ZBTB38: variants seen among roughly 807,000 people sequenced by gnomAD.
ZBTB38 encodes the protein zinc finger and BTB domain containing 38.
ZBTB38 carries 20 observed loss-of-function variants against 76.8 expected under a neutral mutation model. The observed-to-expected ratio is 0.26, with a 90% CI of 0.18 to 0.38. The LOEUF (loss-of-function observed/expected upper bound fraction) is 0.38. ZBTB38 is among the 10% of genes least tolerant of loss of function. ZBTB38 has a pLI of 1.00. For synonymous variants in ZBTB38, 504 were observed against 544.2 expected (o/e 0.93, Z 1.03); for missense variants, 1,082 against 1,482.3 (o/e 0.73, Z 4.43).
At chr3:141,395,074 A>G (rs564556368) in intron 4 of ZBTB38, among the ~76,000 whole-genome samples, 82 of 152,330 alleles carry the variant, frequency 5.4e-4, no homozygotes, top group African/African-American at 1.9e-3. Flanking sequence ...GCATGAAAAA[A>G]CAAATTTTCA....
intron 1 of ZBTB38, among the ~76,000 whole-genome samples, chr3:141,369,030 A>G (rs905912773): frequency 6.6e-6 from 1 of 151,430 alleles, no homozygotes; most frequent in Non-Finnish European, 1.5e-5. Flanking sequence ...TAAGACGGAA[A>G]CCCTGGGGAG....
intron 5 of ZBTB38, among the ~76,000 whole-genome samples, chr3:141,407,325 T>C (rs2149730028): frequency 6.6e-6 from 1 of 152,324 alleles, no homozygotes; most frequent in Middle Eastern, 3.4e-3. Flanking sequence ...TTTCCAGACT[T>C]GTGACTTTAG....
intron 1 of ZBTB38, among the ~76,000 whole-genome samples, chr3:141,327,421 T>TC (rs1326862856): frequency 1.3e-5 from 2 of 152,058 alleles, no homozygotes; most frequent in Non-Finnish European, 2.9e-5. Flanking sequence ...GCGGTCTTCC[T>TC]CCCCCAAACC....
intron 1 of ZBTB38, among the ~76,000 whole-genome samples, chr3:141,337,426 T>A (rs1943047039): frequency 6.6e-6 from 1 of 152,222 alleles, no homozygotes; most frequent in African/African-American, 2.4e-5. Context: ...CAGGACCAAA[T>A]TAGACAAAAG....
intron 5 of ZBTB38, among the ~76,000 whole-genome samples, chr3:141,437,091 G>T (rs544830435): frequency 6.6e-6 from 1 of 152,312 alleles, no homozygotes; most frequent in African/African-American, 2.4e-5. Flanking sequence ...GCACTGTTAA[G>T]ATTGGAGAGG....
intron 5 of ZBTB38, among the ~76,000 whole-genome samples, chr3:141,436,510 T>C (rs114089956): frequency 2.6e-5 from 4 of 152,192 alleles, no homozygotes; most frequent in Non-Finnish European, 5.9e-5. Flanking sequence ...TTGATTTTTT[T>C]TGTGTGTGAC....
chr3:141,361,090 C>T (rs981282839), intron 1 of ZBTB38, among the ~76,000 whole-genome samples: 4 of 152,166 alleles, frequency 2.6e-5, no homozygotes, highest in African/African-American at 7.2e-5. Context: ...ACTTTGTTTT[C>T]CTCTCCTCTT....
intron 4 of ZBTB38, chr3:141,390,025 A>G (rs1411411729): frequency 6.6e-6 from 1 of 152,206 alleles, no homozygotes; most frequent in African/African-American, 2.4e-5. Flanking sequence ...GCCAAATAAG[A>G]TTGTTGGGAA....
intron 5 of ZBTB38, among the ~76,000 whole-genome samples, chr3:141,406,815 T>C (rs1404870005): frequency 6.6e-6 from 1 of 152,158 alleles, no homozygotes; most frequent in Non-Finnish European, 1.5e-5. Flanking sequence ...GAGCCAGGCA[T>C]GTCAGACCGT....
chr3:141,438,719 A>G (rs1018058303), intron 5 of ZBTB38, among the ~76,000 whole-genome samples: 1 of 151,986 alleles, frequency 6.6e-6, no homozygotes, highest in African/African-American at 2.4e-5. Context: ...CTCAAATTTC[A>G]TTATAACTCT....
rs550404127 is a variant in ZBTB38 at position 141,416,888 on chromosome 3, G to A, written c.-1+12857G>A. On this transcript the variant is annotated intron_variant, in intron 5 of 5. Coordinates refer to ENST00000321464, the MANE Select transcript of ZBTB38 (RefSeq NM_001376113.1). The stretch of plus-strand genomic sequence containing the variant: ...ATTCTCCCCCTGCAGCCCTCACAGA[G>A]AGCACGGCCCTGCTGACTCCTTGAT... 9.8e-5 allele frequency among the ~76,000 whole-genome samples: 15 copies of A among 152,354 alleles called. 1 individual carries two copies. The South Asian group carries it at 3.1e-3, about 32-fold the overall frequency.
In ZBTB38 at chr3:141,448,556, A is replaced by G. The variant is rs1463380638; in HGVS notation, c.*2580A>G. On this transcript the variant is annotated 3_prime_UTR_variant, in exon 6 of 6. Transcript: ENST00000321464. ...GAACATACTGTATGCTGTACAAGAT[A>G]TAATGTAACTTGCTGTTTTAGCATC... The G allele has an allele frequency of 2.6e-5, 4 of 152,516 alleles. No individual in the cohort carries two copies. The highest frequency in any genetic ancestry group is 7.2e-5 in the African/African-American group (3 of 41,462). The allele number at this position is 152,516 out of a possible 1,614,324, so 9.4% of individuals were successfully genotyped here. A position where few individuals can be genotyped will look rare whatever the true frequency, so the allele number is the denominator to read the frequency against.
At chr3:141,374,874 A>G (rs1310514793) in intron 2 of ZBTB38, among the ~76,000 whole-genome samples, 1 of 152,182 alleles carries the variant, frequency 6.6e-6, no homozygotes, top group South Asian at 2.1e-4. Flanking sequence ...ATTGGCCCCT[A>G]GAAAGGTACG....
intron 1 of ZBTB38, among the ~76,000 whole-genome samples, chr3:141,359,483 A>G (rs1450116492): frequency 6.6e-6 from 1 of 152,224 alleles, no homozygotes; most frequent in Non-Finnish European, 1.5e-5. Context: ...AGGAAGAGGT[A>G]GTGGCAATTG....
chr3:141,446,189 G>A lies in ZBTB38; in HGVS notation c.*213G>A, dbSNP rs2081080403. 2 of 390,488 alleles carry A rather than the reference G, an allele frequency of 5.1e-6. No homozygotes were observed. The allele number at this position is 390,488 out of a possible 1,614,324, so 24.2% of individuals were successfully genotyped here. The stretch of plus-strand genomic sequence containing the variant: ...CAAAGTGCACAAAAACAAAATAGCT[G>A]ACTCCTCCAATATCCCAAGTTTCTT... On this transcript the variant is annotated 3_prime_UTR_variant, in exon 6 of 6. Transcript: ENST00000321464.
chr3:141,436,974 G>A (rs1014603300), intron 5 of ZBTB38, among the ~76,000 whole-genome samples: 2 of 152,114 alleles, frequency 1.3e-5, no homozygotes, highest in Non-Finnish European at 2.9e-5. Context: ...TTGCACTTTG[G>A]ACCTGTGAAA....
intron 5 of ZBTB38, among the ~76,000 whole-genome samples, chr3:141,417,358 T>C (rs1489059628): frequency 6.6e-6 from 1 of 152,188 alleles, no homozygotes; most frequent in Non-Finnish European, 1.5e-5. Context: ...TGCATTTTCC[T>C]CAGGCTTCTC....
At chr3:141,385,339 T>A (rs1025773022) in intron 3 of ZBTB38, among the ~76,000 whole-genome samples, 1 of 101,658 alleles carries the variant, frequency 9.8e-6, no homozygotes, top group African/African-American at 3.6e-5. Flanking sequence ...GATCTAAGGG[T>A]GGGGGTGGGT....
intron 3 of ZBTB38, among the ~76,000 whole-genome samples, chr3:141,382,361 A>G (rs1946323664): frequency 6.6e-6 from 1 of 152,198 alleles, no homozygotes; most frequent in Non-Finnish European, 1.5e-5. Context: ...ATTGGGTGTA[A>G]AAGGAAACTA....
Sources: allele counts gnomAD v4.1 joint callset (sites outside exome capture counted in the v4.1 genomes callset), GRCh38; gene constraint gnomAD v4.1.1; transcripts MANE v1.5; gene names NCBI Gene and HGNC (gene_info 2026-07-23, HGNC 2026-07-21).